Variants in LRP1B observed in about 807,000 individuals in gnomAD.
LRP1B encodes the protein LDL receptor related protein 1B.
LRP1B carries 217 observed loss-of-function variants against 556.6 expected under a neutral mutation model. The observed-to-expected ratio is 0.39, with a 90% CI of 0.35 to 0.44. LRP1B has a LOEUF of 0.44. LRP1B is among the 20% of genes least tolerant of loss of function. LRP1B has a pLI of 1.00. For missense variants in LRP1B, 5,053 were observed against 5,620.8 expected, an observed-to-expected ratio of 0.90 and a Z score of 3.23; for synonymous variants, 2,047 against 1,865.8, an observed-to-expected ratio of 1.10 and a Z score of -2.50.
intron 32 of LRP1B, among the ~76,000 whole-genome samples, chr2:140,809,266 G>T (rs991162773): frequency 6.6e-6 from 1 of 152,046 alleles, no homozygotes; most frequent in Non-Finnish European, 1.5e-5. Flanking sequence ...TTTTAAAAAA[G>T]ATTACTTGCT....
intron 37 of LRP1B, among the ~76,000 whole-genome samples, chr2:140,708,599 C>T (rs1442042366): frequency 6.6e-6 from 1 of 151,570 alleles, no homozygotes; most frequent in Non-Finnish European, 1.5e-5. Flanking sequence ...TATGTGTTTA[C>T]ACCCTGCCTC....
chr2:141,677,711 A>C (rs1690939737), intron 2 of LRP1B, among the ~76,000 whole-genome samples: 1 of 151,692 alleles, frequency 6.6e-6, no homozygotes, highest in Admixed American at 6.6e-5. Context: ...CTGGTCTCAA[A>C]CTCCTGACCT....
At chr2:140,672,141 A>G (rs1426377597) in intron 41 of LRP1B, among the ~76,000 whole-genome samples, 1 of 152,214 alleles carries the variant, frequency 6.6e-6, no homozygotes, top group Non-Finnish European at 1.5e-5. Flanking sequence ...GGACAAGTAT[A>G]GGATGCTAGT....
intron 1 of LRP1B, among the ~76,000 whole-genome samples, chr2:141,950,828 G>A (rs961435339): frequency 4.3e-4 from 65 of 152,192 alleles, no homozygotes; most frequent in African/African-American, 1.5e-3. Context: ...AGCAATGAAA[G>A]TCAACTAACT....
intron 3 of LRP1B, among the ~76,000 whole-genome samples, chr2:141,300,639 A>G (rs1424537649): frequency 1.3e-5 from 2 of 152,074 alleles, no homozygotes; most frequent in Non-Finnish European, 2.9e-5. Flanking sequence ...GTAAGTTCTT[A>G]TGAGATTTGC....
chr2:141,462,587 C>T (rs1681919872), intron 3 of LRP1B, among the ~76,000 whole-genome samples: 1 of 152,032 alleles, frequency 6.6e-6, no homozygotes, highest in Admixed American at 6.6e-5. Context: ...ACATAGCAAA[C>T]AACCATGGCA....
chr2:141,434,941 G>C (rs1680702934), intron 3 of LRP1B, among the ~76,000 whole-genome samples: 1 of 152,114 alleles, frequency 6.6e-6, no homozygotes, highest in African/African-American at 2.4e-5. Context: ...GTCCAATGTT[G>C]TGCTTTAGTC....
At chr2:141,269,719 C>A (rs1044194766) in intron 3 of LRP1B, among the ~76,000 whole-genome samples, 2 of 152,084 alleles carry the variant, frequency 1.3e-5, no homozygotes, top group Admixed American at 6.5e-5. Flanking sequence ...ACATAAAATT[C>A]TTTTTTCAAC....
intron 72 of LRP1B, among the ~76,000 whole-genome samples, chr2:140,360,212 G>T (rs369239115): frequency 6.6e-6 from 1 of 151,386 alleles, no homozygotes; most frequent in Non-Finnish European, 1.5e-5. Flanking sequence ...TATCTTGCTC[G>T]TGCCAATCCT....
intron 1 of LRP1B, among the ~76,000 whole-genome samples, chr2:141,848,617 A>G (rs896300358): frequency 1.3e-5 from 2 of 151,540 alleles, no homozygotes; most frequent in Admixed American, 1.3e-4. Context: ...TTATAACAAT[A>G]CCATTTGGTT....
intron 63 of LRP1B, among the ~76,000 whole-genome samples, chr2:140,446,760 G>A (rs183742197): frequency 6.6e-6 from 1 of 151,988 alleles, no homozygotes; most frequent in Non-Finnish European, 1.5e-5. Context: ...CATGACATTA[G>A]TGTGGGTAAA....
intron 41 of LRP1B, among the ~76,000 whole-genome samples, chr2:140,640,360 C>A (rs1390452718): frequency 6.9e-6 from 1 of 144,810 alleles, no homozygotes; most frequent in African/African-American, 2.5e-5. Context: ...CTTTCATCAT[C>A]CACTATTCCC....
chr2:141,207,129 G>A (rs1682321097), intron 6 of LRP1B, among the ~76,000 whole-genome samples: 1 of 152,128 alleles, frequency 6.6e-6, no homozygotes, highest in African/African-American at 2.4e-5. Context: ...CATTTCCAAA[G>A]GCACATTCTA....
At chr2:140,319,830 T>C (rs1218574434) in intron 82 of LRP1B, among the ~76,000 whole-genome samples, 1 of 152,136 alleles carries the variant, frequency 6.6e-6, no homozygotes, top group East Asian at 1.9e-4. Context: ...ACTGGGAGAA[T>C]GGATAAAGGG....
At chr2:140,638,954 T>A (rs1335101820) in intron 41 of LRP1B, among the ~76,000 whole-genome samples, 1 of 152,036 alleles carries the variant, frequency 6.6e-6, no homozygotes, top group Non-Finnish European at 1.5e-5. Context: ...TTCACCATTG[T>A]GCTTAATGTA....
chr2:140,573,022 G>C (rs1011710830), intron 43 of LRP1B, among the ~76,000 whole-genome samples: 5 of 151,462 alleles, frequency 3.3e-5, no homozygotes, highest in Admixed American at 6.6e-5. Context: ...AGGAGATGTC[G>C]GTTAACAAAT....
Position 140,982,280 on chromosome 2 carries a change from T to A in LRP1B, c.2771-4A>T. ...TGGTCTACCTGGCATGTTCTGGCTA[T>A]GATGATCAATTAATAAACAAAAAAT... On this transcript the variant is annotated splice_polypyrimidine_tract_variant and splice_region_variant and intron_variant, in intron 17 of 90. Transcript: ENST00000389484. 1 of 1,596,404 alleles carries A rather than the reference T, an allele frequency of 6.3e-7. No homozygotes were observed. Among genetic ancestry groups the A allele is most frequent in the Non-Finnish European group, 8.6e-7 (1 of 1,164,882 alleles).
chr2:140,450,493 T>C, intron 63 of LRP1B, 75 bp downstream of exon 63: 1 of 1,076,364 alleles, frequency 9.3e-7, no homozygotes, highest in South Asian at 1.3e-5. Context: ...ATACTTTAGG[T>C]GTAGATTCAA....
At chr2:140,820,906 C>T (rs1454698209) in intron 31 of LRP1B, among the ~76,000 whole-genome samples, 1 of 78,456 alleles carries the variant, frequency 1.3e-5, no homozygotes, top group Admixed American at 1.3e-4. Flanking sequence ...CTTTCTGTTG[C>T]TTCTTTAAAA....
Sources: allele counts gnomAD v4.1 joint callset (sites outside exome capture counted in the v4.1 genomes callset), GRCh38; gene constraint gnomAD v4.1.1; transcripts MANE v1.5; gene names NCBI Gene and HGNC (gene_info 2026-07-23, HGNC 2026-07-21).